COL6A6: variants seen among roughly 807,000 people sequenced by gnomAD.
COL6A6 encodes collagen alpha-6(VI) chain.
In COL6A6, 183 loss-of-function variants were observed where a neutral mutation model predicts 208.6. The ratio of observed to expected loss-of-function variants is 0.88; its 90% CI spans 0.78 to 0.99. The LOEUF is 0.99. COL6A6 is among the 50% of genes least tolerant of loss of function. The pLI, the probability that COL6A6 is intolerant of heterozygous loss-of-function variation, is 0.00. For missense variants in COL6A6, 2,816 were observed against 2,815.2 expected (o/e 1.00, Z -0.01); for synonymous variants, 973 against 1,011.8 (o/e 0.96, Z 0.73).
chr3:130,556,657 T>C (rs533423021), intron 1 of COL6A6, among the ~76,000 whole-genome samples: 1 of 152,318 alleles, frequency 6.6e-6, no homozygotes, highest in South Asian at 2.1e-4. Context: ...TAATTTTTAG[T>C]ATTGTAGTAT....
chr3:130,614,706 A>G (rs2064462084), intron 23 of COL6A6, among the ~76,000 whole-genome samples: 1 of 152,090 alleles, frequency 6.6e-6, no homozygotes, highest in East Asian at 1.9e-4. Flanking sequence ...TGGTCTGTTC[A>G]GGGATTCAAT....
chr3:130,622,203 A>AT (rs2064743088), intron 24 of COL6A6, among the ~76,000 whole-genome samples: 5 of 54,326 alleles, frequency 9.2e-5, no homozygotes, highest in Admixed American at 5.5e-4. Flanking sequence ...CCCCCCGCCT[A>AT]CCCCCCCCTT....
rs1299474792 is a variant in COL6A6 at position 130,566,724 on chromosome 3, A to T, written c.1305A>T (p.Ala435=). Residue 435 remains alanine (A), a synonymous_variant, in exon 5 of 37, where the codon GCA becomes GCT. Coordinates refer to ENST00000358511, the MANE Select transcript of COL6A6 (RefSeq NM_001102608.3). Reference sequence around the variant, plus strand: ...TAGGTTGTGTGGACACTGAGGAAGCAGACATCTATCTGCTTATCGATGGCT... The same window carrying T: ...TAGGTTGTGTGGACACTGAGGAAGCTGACATCTATCTGCTTATCGATGGCT... ...LKSGCVDTEE[A]DIYLLIDGSG... is the part of the protein sequence containing the mutation. The T allele has an allele frequency of 1.9e-6, 3 of 1,609,212 alleles. No individual in the cohort carries two copies. In the African/African-American group the frequency reaches 4.0e-5, roughly 22 times the overall value.
chr3:130,621,761 G>A (rs1407260078), intron 23 of COL6A6, 60 bp from the exon 24 acceptor site: 4 of 1,418,366 alleles, frequency 2.8e-6, no homozygotes, highest in Non-Finnish European at 3.0e-6. Context: ...TAAGACAGAG[G>A]GTTTGAAGAA....
Position 130,563,025 on chromosome 3 carries a change from T to G in COL6A6, c.65-43T>G, listed in dbSNP as rs1472421572. On this transcript the variant is annotated intron_variant, in intron 2 of 36. Transcript: ENST00000358511. ...GTTGGCATTAAATATGGCAGTAAAT[T>G]TTTTAAAGTTTTTGGTTCGTTCATA... 2.1e-6 allele frequency: 3 copies of G among 1,450,086 alleles called. No individual in the cohort carries two copies. The African/African-American group carries it at 4.2e-5, about 21-fold the overall frequency. The allele number at this position is 1,450,086 out of a possible 1,614,324, so 89.8% of individuals were successfully genotyped here.
intron 8 of COL6A6, among the ~76,000 whole-genome samples, chr3:130,581,077 T>C (rs2063408039): frequency 6.6e-6 from 1 of 152,068 alleles, no homozygotes; most frequent in Non-Finnish European, 1.5e-5. Context: ...TTTAGAAATA[T>C]AAATCATCAA....
chr3:130,593,891 A>G (rs1173828779), intron 17 of COL6A6, among the ~76,000 whole-genome samples: 1 of 152,144 alleles, frequency 6.6e-6, no homozygotes, highest in Non-Finnish European at 1.5e-5. Context: ...AACAGCAGCC[A>G]TATTTTCATC....
intron 13 of COL6A6, 90 bp downstream of exon 13, chr3:130,591,184 G>A (rs1576284957): frequency 1.1e-6 from 1 of 928,028 alleles, no homozygotes; most frequent in Non-Finnish European, 1.7e-6. Context: ...AAGCAAGAAA[G>A]GTGAGATTCT....
intron 10 of COL6A6, among the ~76,000 whole-genome samples, chr3:130,585,543 A>G (rs2063519064): frequency 6.6e-6 from 1 of 152,212 alleles, no homozygotes; most frequent in African/African-American, 2.4e-5. Flanking sequence ...TGTCAGATTT[A>G]TTACCATCAT....
intron 1 of COL6A6, among the ~76,000 whole-genome samples, chr3:130,560,044 C>T (rs1489355006): frequency 1.3e-5 from 2 of 152,152 alleles, no homozygotes; most frequent in Admixed American, 6.5e-5. Flanking sequence ...AAAATAAATA[C>T]TAGGAACGCG....
rs571243745 is a variant in COL6A6 at position 130,672,837 on chromosome 3, C to T, written c.6597-2365C>T. Among the ~76,000 whole-genome samples the T allele has an allele frequency of 5.9e-5, 9 of 151,568 alleles. 1 individual carries two copies. The South Asian group carries it at 1.9e-3, about 32-fold the overall frequency. On this transcript the variant is annotated intron_variant, in intron 36 of 36. Transcript: ENST00000358511. ...CATCCTGGCCAACATGGTGAAACCCCATCCCTACTAAAAATACAAAAATTA... is the reference window on the plus strand; with the variant it reads ...CATCCTGGCCAACATGGTGAAACCCTATCCCTACTAAAAATACAAAAATTA...
chr3:130,580,315 C>T (rs2063390059), intron 8 of COL6A6, among the ~76,000 whole-genome samples: 1 of 152,158 alleles, frequency 6.6e-6, no homozygotes, highest in Non-Finnish European at 1.5e-5. Flanking sequence ...CAATAAAATA[C>T]AGTAAAATAA....
At chr3:130,672,430 TCTCA>T (rs2066241739) in intron 36 of COL6A6, among the ~76,000 whole-genome samples, 1 of 150,754 alleles carries the variant, frequency 6.6e-6, no homozygotes, top group South Asian at 2.1e-4. Context: ...GGAGATGGAG[TCTCA>T]CTCTGTCACC....
At chr3:130,520,764 T>A (rs561844280) in intron 1 of COL6A6, among the ~76,000 whole-genome samples, 31 of 152,310 alleles carry the variant, frequency 2.0e-4, no homozygotes, top group African/African-American at 7.2e-4. Context: ...CAGTATCATC[T>A]TTGTGTCTCT....
In COL6A6 at chr3:130,586,619, A is replaced by G; in HGVS notation, c.4084A>G (p.Ile1362Val). 6.2e-7 allele frequency: 1 copy of G among 1,613,668 alleles called. No individual in the cohort carries two copies. The change falls in exon 11 of 37, where the codon ATT becomes GTT. Residue 1362 changes from isoleucine (I) to valine (V), a missense_variant. Transcript: ENST00000358511. The stretch of plus-strand genomic sequence containing the variant: ...ATTTGAGTACAGGACACAGCTCTCT[A>G]TTGGCATGAGAGAACTTGGAAGCCG... ...KGFEYRTQLSIGMRELGSRLS... is the reference protein window; with the variant it reads ...KGFEYRTQLSVGMRELGSRLS...
intron 1 of COL6A6, among the ~76,000 whole-genome samples, chr3:130,518,068 A>G (rs915901919): frequency 2.6e-5 from 4 of 152,208 alleles, no homozygotes; most frequent in African/African-American, 9.6e-5. Context: ...AAAAAATGTT[A>G]AAACTAGGAA....
In COL6A6 at chr3:130,568,479, G is replaced by C; in HGVS notation, c.2276G>C (p.Gly759Ala). The C allele has an allele frequency of 6.2e-7, 1 of 1,613,856 alleles. No homozygotes were observed. The highest frequency in any genetic ancestry group is 2.2e-5 in the East Asian group (1 of 44,886). Residue 759 changes from glycine to alanine, a missense_variant, in exon 6 of 37, where the codon GGC becomes GCC. Gly to Ala is a moderately conservative substitution (Grantham distance 60). Transcript: ENST00000358511. ...ATCATCTATTCTGTGGGAGTGTTTG[G>C]CTCCAATGTCACCCAGCTTGAGGAG... ...GVIIYSVGVFGSNVTQLEEIS... is the reference protein window; with the variant it reads ...GVIIYSVGVFASNVTQLEEIS...
intron 33 of COL6A6, among the ~76,000 whole-genome samples, chr3:130,656,144 C>CT (rs1345325024): frequency 1.3e-5 from 2 of 152,236 alleles, no homozygotes; most frequent in African/African-American, 4.8e-5. Flanking sequence ...GCTCTTCTCT[C>CT]TCCTCTCCTC....
intron 23 of COL6A6, among the ~76,000 whole-genome samples, chr3:130,616,309 T>C (rs1255912274): frequency 6.6e-6 from 1 of 152,168 alleles, no homozygotes; most frequent in African/African-American, 2.4e-5. Context: ...TTTCTTAGGA[T>C]ATACGTTTAA....
Sources: gnomAD v4.1 joint callset for allele counts (sites outside exome capture counted in the v4.1 genomes callset) on GRCh38, gnomAD v4.1.1 for gene constraint, MANE v1.5 for transcripts, NCBI Gene and HGNC (gene_info 2026-07-23, HGNC 2026-07-21) for gene names.